The following COL19A1 variants were observed in gnomAD, a reference collection of about 807,000 sequenced individuals.
COL19A1 encodes the protein collagen type XIX alpha 1 chain, also known as collagen alpha-1(XIX) chain.
Under a neutral mutation model 190.2 loss-of-function variants are expected in COL19A1, and 159 were observed. The ratio of observed to expected loss-of-function variants is 0.84; its 90% CI spans 0.73 to 0.95. The LOEUF (loss-of-function observed/expected upper bound fraction) is 0.95. Among genes scored for constraint, COL19A1 ranks in the 40% least tolerant of loss-of-function variants. The probability of loss-of-function intolerance (pLI) is 0.00; values close to 1 mark genes in which losing one functional copy is unlikely to be tolerated. For missense variants in COL19A1, 1,418 were observed against 1,431.9 expected (o/e 0.99, Z 0.16); for synonymous variants, 509 against 458.9 (o/e 1.11, Z -1.39).
At chr6:70,099,723 C>T (rs767112243) in intron 15 of COL19A1, among the ~76,000 whole-genome samples, 42 of 152,156 alleles carry the variant, frequency 2.8e-4, no homozygotes, top group Non-Finnish European at 4.9e-4. Flanking sequence ...AGCCTAGAAA[C>T]TACATTTAAT....
chr6:70,204,551 C>T (rs1392577049), intron 49 of COL19A1, among the ~76,000 whole-genome samples: 2 of 152,142 alleles, frequency 1.3e-5, no homozygotes, highest in African/African-American at 4.8e-5. Context: ...TGCAAATACA[C>T]GAATCACAGT....
intron 15 of COL19A1, among the ~76,000 whole-genome samples, chr6:70,072,964 TTTATTTA>T (rs1380735610): frequency 1.6e-5 from 1 of 62,678 alleles, no homozygotes; most frequent in Non-Finnish European, 4.6e-5. Flanking sequence ...CTGAATTTTA[TTTATTTA>T]TTTATTTATT....
At chr6:70,189,624 C>A (rs1423050591) in intron 47 of COL19A1, among the ~76,000 whole-genome samples, 1 of 152,124 alleles carries the variant, frequency 6.6e-6, no homozygotes, top group Non-Finnish European at 1.5e-5. Context: ...TAAAACATTA[C>A]TGTTATAAAT....
intron 19 of COL19A1, among the ~76,000 whole-genome samples, 197 bp downstream of exon 19, chr6:70,137,944 T>C (rs1332217756): frequency 1.3e-5 from 2 of 152,144 alleles, no homozygotes; most frequent in African/African-American, 2.4e-5. Flanking sequence ...CCATAAAAAG[T>C]TTCCATAAGG....
At chr6:69,928,939 C>T (rs1772572413) in intron 5 of COL19A1, among the ~76,000 whole-genome samples, 1 of 152,076 alleles carries the variant, frequency 6.6e-6, no homozygotes, top group South Asian at 2.1e-4. Flanking sequence ...TGTGTTTTCT[C>T]TGTACCTTGC....
chr6:70,154,786 A>G (rs1787335477), intron 31 of COL19A1, among the ~76,000 whole-genome samples: 2 of 152,186 alleles, frequency 1.3e-5, no homozygotes, highest in African/African-American at 4.8e-5. Context: ...TGAGAGTCCA[A>G]AGCTGAAGAA....
rs1036761787 is a variant in COL19A1 at position 70,180,205 on chromosome 6, A to G, written c.2668-107A>G. On this transcript the variant is annotated intron_variant, in intron 42 of 50. Coordinates refer to ENST00000620364, the MANE Select transcript of COL19A1 (RefSeq NM_001858.6). Reference sequence around the variant, plus strand: ...CTGGCCAGAAATGCCACTGGAGAGCATCACCCTTGGGAGCACTATAAACTC... The same window carrying G: ...CTGGCCAGAAATGCCACTGGAGAGCGTCACCCTTGGGAGCACTATAAACTC... 1.5e-5 allele frequency: 19 copies of G among 1,267,742 alleles called. No individual in the cohort carries two copies. The African/African-American group carries it at 2.2e-4, about 15-fold the overall frequency. 78.5% of individuals were successfully genotyped at this position (1,267,742 alleles called of 1,614,324 possible). A position where few individuals can be genotyped will look rare whatever the true frequency, so the allele number is the denominator to read the frequency against.
intron 1 of COL19A1, among the ~76,000 whole-genome samples, chr6:69,873,342 C>T (rs940458537): frequency 2.6e-5 from 4 of 151,984 alleles, no homozygotes; most frequent in African/African-American, 9.7e-5. Flanking sequence ...CAGGTGTAAA[C>T]ACTCCTAGGC....
chr6:70,088,418 T>A (rs954310912), intron 15 of COL19A1, among the ~76,000 whole-genome samples: 8 of 152,162 alleles, frequency 5.3e-5, no homozygotes, highest in African/African-American at 1.9e-4. Flanking sequence ...TCTATCCTGT[T>A]TTTTAAGTCA....
At chr6:69,948,233 G>T (rs754521793) in intron 9 of COL19A1, among the ~76,000 whole-genome samples, 2 of 151,816 alleles carry the variant, frequency 1.3e-5, no homozygotes, top group Non-Finnish European at 2.9e-5. Flanking sequence ...TCACCGAAGC[G>T]CTTGAGCTAT....
intron 15 of COL19A1, among the ~76,000 whole-genome samples, chr6:70,078,829 G>A (rs950598632): frequency 6.6e-6 from 1 of 152,286 alleles, no homozygotes; most frequent in Non-Finnish European, 1.5e-5. Context: ...CACTTTGGGA[G>A]GCCGAGGCGG....
At chr6:69,921,481 T>TATATTCATATATATC (rs1771892125) in intron 4 of COL19A1, among the ~76,000 whole-genome samples, 1 of 86,434 alleles carries the variant, frequency 1.2e-5, no homozygotes, top group African/African-American at 6.0e-5. Flanking sequence ...CATATATTCA[T>TATATTCATATATATC]ATATATTCAT....
intron 2 of COL19A1, among the ~76,000 whole-genome samples, chr6:69,892,122 G>A (rs1440938691): frequency 6.6e-6 from 1 of 152,196 alleles, no homozygotes; most frequent in Non-Finnish European, 1.5e-5. Flanking sequence ...ATGGTACTTG[G>A]CTTTGGTTAG....
intron 16 of COL19A1, among the ~76,000 whole-genome samples, chr6:70,109,170 G>A (rs1784139588): frequency 6.6e-6 from 1 of 152,074 alleles, no homozygotes; most frequent in Non-Finnish European, 1.5e-5. Context: ...GAGGTGCTAT[G>A]GGGGGAATAA....
chr6:69,906,032 A>T (rs1770524770), intron 4 of COL19A1, among the ~76,000 whole-genome samples: 1 of 152,214 alleles, frequency 6.6e-6, no homozygotes, highest in Admixed American at 6.5e-5. Flanking sequence ...GATTATTTTA[A>T]AATTGTGTTT....
At chr6:70,016,662 A>G (rs544739798) in intron 11 of COL19A1, among the ~76,000 whole-genome samples, 1 of 152,202 alleles carries the variant, frequency 6.6e-6, no homozygotes, top group South Asian at 2.1e-4. Context: ...TATCAATAAT[A>G]CATAAAGAAC....
chr6:70,083,042 C>G (rs570029438), intron 15 of COL19A1, among the ~76,000 whole-genome samples: 33 of 152,296 alleles, frequency 2.2e-4, no homozygotes, highest in Middle Eastern at 3.4e-3. Context: ...GTCCACAGAC[C>G]GGTACCAGCC....
chr6:69,900,154 A>T, intron 3 of COL19A1, 85 bp from the exon 4 acceptor site: 2 of 778,326 alleles, frequency 2.6e-6, no homozygotes, highest in Non-Finnish European at 3.8e-6. Flanking sequence ...TGAATCAATT[A>T]ATAGATAAGG....
At position 70,044,638 on chromosome 6, in the gene COL19A1, C is replaced by T. The variant is rs116953233; in HGVS notation, c.1170+8699C>T. Among the ~76,000 whole-genome samples, 51 of 152,298 alleles carry T rather than the reference C, an allele frequency of 3.3e-4. No individual in the cohort carries two copies. In the East Asian group the frequency reaches 7.5e-3, roughly 22 times the overall value. ...GGTTGCCCAAGTAGAGGGAGAGAGA[C>T]AGAGAAATGGCTAGTCAGTGGAGCA... On this transcript the variant is annotated intron_variant, in intron 14 of 50. Transcript: ENST00000620364.
Sources: gnomAD v4.1 joint callset for allele counts (sites outside exome capture counted in the v4.1 genomes callset) on GRCh38, gnomAD v4.1.1 for gene constraint, MANE v1.5 for transcripts, NCBI Gene and HGNC (gene_info 2026-07-23, HGNC 2026-07-21) for gene names.